MGA: variants seen among roughly 807,000 people sequenced by gnomAD.
The protein encoded by MGA is MAX dimerization protein MGA, also known as MAX gene-associated protein.
A neutral mutation model predicts 261.1 loss-of-function variants in MGA; 40 were observed. The observed-to-expected ratio is 0.15, with a 90% CI of 0.12 to 0.20. The LOEUF (loss-of-function observed/expected upper bound fraction) is 0.20. Among genes scored for constraint, MGA ranks in the 10% least tolerant of loss-of-function variants. The pLI is 1.00. For missense variants in MGA, 3,397 were observed against 3,630.5 expected, an observed-to-expected ratio of 0.94 and a Z score of 1.65; for synonymous variants, 1,302 against 1,290.6, an observed-to-expected ratio of 1.01 and a Z score of -0.19.
intron 2 of MGA, among the ~76,000 whole-genome samples, chr15:41,676,519 T>A (rs2058386538): frequency 6.6e-6 from 1 of 152,242 alleles, no homozygotes; most frequent in African/African-American, 2.4e-5. Flanking sequence ...ATGAACAGTT[T>A]TACAAAAATA....
chr15:41,667,477 C>T (rs1264105700), intron 1 of MGA, among the ~76,000 whole-genome samples: 1 of 151,824 alleles, frequency 6.6e-6, no homozygotes, highest in African/African-American at 2.4e-5. Context: ...AGCTCCTGAC[C>T]TCAAGTGATC....
chr15:41,661,919 A>AC (rs1255906395), intron 1 of MGA, among the ~76,000 whole-genome samples: 1 of 152,074 alleles, frequency 6.6e-6, no homozygotes, highest in Non-Finnish European at 1.5e-5. Flanking sequence ...GGCCGGCGGC[A>AC]CGTGATCTGT....
intron 9 of MGA, among the ~76,000 whole-genome samples, chr15:41,715,234 CCA>C (rs1442195425): frequency 1.3e-5 from 2 of 150,990 alleles, no homozygotes; most frequent in Non-Finnish European, 2.9e-5. Flanking sequence ...ACTGCAACCT[CCA>C]CCTCTTGGGT....
intron 9 of MGA, among the ~76,000 whole-genome samples, chr15:41,715,788 T>G (rs1052183471): frequency 2.6e-5 from 4 of 152,210 alleles, no homozygotes; most frequent in Non-Finnish European, 5.9e-5. Flanking sequence ...CTAAATGATC[T>G]TTGTGTAAAT....
In MGA at chr15:41,749,417, T is replaced by C. The variant is rs753369188; in HGVS notation, c.5810T>C (p.Ile1937Thr). The C allele has an allele frequency of 2.5e-6, 4 of 1,614,000 alleles. No homozygotes were observed. The highest frequency in any genetic ancestry group is 3.3e-5 in the Admixed American group (2 of 60,016). Residue 1937 changes from isoleucine (I) to threonine (T), a missense_variant, in exon 17 of 24, where the codon ATT (isoleucine) becomes ACT (threonine). By Grantham distance (89) the Ile-to-Thr change is moderately conservative. Coordinates refer to ENST00000219905, the MANE Select transcript of MGA (RefSeq NM_001164273.2). ...CAGCCTGTTGGTACAGCCAGTCTTA[T>C]TCCTCTCCAGTCTGGTAGTTTTGCC...
intron 1 of MGA, among the ~76,000 whole-genome samples, chr15:41,662,727 CTAAA>C (rs1405788528): frequency 6.6e-6 from 1 of 152,150 alleles, no homozygotes; most frequent in Non-Finnish European, 1.5e-5. Flanking sequence ...TGTTTATTGG[CTAAA>C]TACTGAAATC....
At chr15:41,711,804 T>C (rs2060401728) in intron 8 of MGA, among the ~76,000 whole-genome samples, 1 of 152,154 alleles carries the variant, frequency 6.6e-6, no homozygotes, top group East Asian at 1.9e-4. Flanking sequence ...CAAGCTATTC[T>C]CCTGCCTCAG....
chr15:41,717,151 T>TGTAAG (rs60739135), intron 9 of MGA, among the ~76,000 whole-genome samples: 73,462 of 151,252 alleles, frequency 0.49, 18,091 homozygotes, highest in East Asian at 0.69. Flanking sequence ...TTTTCTGCCT[T>TGTAAG]GTACAATTTC....
At position 41,710,705 on chromosome 15, in the gene MGA, A is replaced by G; in HGVS notation, c.2440A>G (p.Ser814Gly). Residue 814 changes from serine (S) to glycine (G), a missense_variant, in exon 8 of 24, where the codon AGT (serine) becomes GGT (glycine). By Grantham distance (56) the Ser-to-Gly change is moderately conservative. This residue lies in a region of MGA where 519 missense variants were observed against 554.1 expected (regional missense o/e 0.94). Coordinates refer to ENST00000219905, the MANE Select transcript of MGA (RefSeq NM_001164273.2). ...CTTATTTCTAGGTGGAAATTCAGAA[A>G]GTTCACTGAAAAATCGTTCTGCTTT... 1 of 1,597,464 alleles carries G rather than the reference A, an allele frequency of 6.3e-7. No homozygotes were observed. The highest frequency in any genetic ancestry group is 1.1e-5 in the South Asian group (1 of 88,396).
At chr15:41,753,755 T>A (rs1256980023) in intron 17 of MGA, among the ~76,000 whole-genome samples, 1 of 152,148 alleles carries the variant, frequency 6.6e-6, no homozygotes, top group Admixed American at 6.6e-5. Flanking sequence ...ATTTTTCTCC[T>A]TTCTATATTT....
intron 11 of MGA, among the ~76,000 whole-genome samples, chr15:41,733,644 T>C (rs1044563301): frequency 9.2e-5 from 14 of 152,190 alleles, no homozygotes; most frequent in Admixed American, 8.5e-4. Context: ...TGTGCATATC[T>C]TTTTGACCCT....
chr15:41,739,794 A>G, intron 13 of MGA, 112 bp from the exon 14 acceptor site: 1 of 1,075,774 alleles, frequency 9.3e-7, no homozygotes, highest in Non-Finnish European at 1.3e-6. Flanking sequence ...TTTCCCTTTT[A>G]AATCTGAAAA....
At chr15:41,765,364 T>G (rs1326432258) in intron 23 of MGA, among the ~76,000 whole-genome samples, 1 of 152,210 alleles carries the variant, frequency 6.6e-6, no homozygotes, top group African/African-American at 2.4e-5. Context: ...GGTCTTGGTG[T>G]TGATAAATAT....
chr15:41,766,901 C>G lies in MGA; in HGVS notation c.8819C>G (p.Ser2940Cys). Residue 2940 changes from serine to cysteine, a missense_variant, in exon 24 of 24, where the codon TCC becomes TGC. Physicochemically the swap from Ser to Cys is moderately radical, Grantham distance 112 (BLOSUM62 -1). This residue lies in a region of MGA where 647 missense variants were observed against 642.4 expected (regional missense o/e 1.01). Transcript: ENST00000219905. ...TCTGAAATAAAGGATTCCCTCCTTTCCAACAAGAAAGCTATTGATGGAGGG... is the reference window on the plus strand; with the variant it reads ...TCTGAAATAAAGGATTCCCTCCTTTGCAACAAGAAAGCTATTGATGGAGGG... The G allele has an allele frequency of 1.2e-6, 2 of 1,614,022 alleles. No individual in the cohort carries two copies. Among genetic ancestry groups the G allele is most frequent in the Non-Finnish European group, 1.7e-6 (2 of 1,179,896 alleles).
Position 41,766,977 on chromosome 15 carries a change from C to A in MGA, c.8895C>A (p.Pro2965=), listed in dbSNP as rs376729410. The A allele has an allele frequency of 8.1e-6, 13 of 1,613,998 alleles. No individual in the cohort carries two copies. The highest frequency in any genetic ancestry group is 5.0e-5 in the Admixed American group (3 of 60,016). The change falls in exon 24 of 24, where the codon CCC becomes CCA. Residue 2965 remains proline, a synonymous_variant. Transcript: ENST00000219905. ...AGCCCGAAAGTGTGTCCTCACCCCC[C>A]ACCCTACACATGAAGACTGGCTTGG...
intron 5 of MGA, among the ~76,000 whole-genome samples, chr15:41,704,612 C>G (rs1000126705): frequency 6.6e-6 from 1 of 152,108 alleles, no homozygotes; most frequent in African/African-American, 2.4e-5. Flanking sequence ...GAGTGGAGAT[C>G]GTGCCACTGC....
intron 2 of MGA, among the ~76,000 whole-genome samples, chr15:41,670,686 T>C (rs2058003184): frequency 6.6e-6 from 1 of 152,084 alleles, no homozygotes. Context: ...TTCTATATTT[T>C]TGGTAGAGAC....
At chr15:41,666,606 A>T (rs1406462839) in intron 1 of MGA, among the ~76,000 whole-genome samples, 1 of 152,232 alleles carries the variant, frequency 6.6e-6, no homozygotes, top group African/African-American at 2.4e-5. Flanking sequence ...AAAAACTTTT[A>T]AAAGATGTGT....
At chr15:41,745,043 T>G (rs754663535) in intron 15 of MGA, among the ~76,000 whole-genome samples, 2 of 151,780 alleles carry the variant, frequency 1.3e-5, no homozygotes, top group East Asian at 1.9e-4. Context: ...CACGCAGTGG[T>G]GTATATTATA....
Sources: allele counts gnomAD v4.1 joint callset (sites outside exome capture counted in the v4.1 genomes callset), GRCh38; gene constraint gnomAD v4.1.1; regional missense constraint gnomAD v4.1.1; transcripts MANE v1.5; gene names NCBI Gene and HGNC (gene_info 2026-07-23, HGNC 2026-07-21).